The following SPOCK3 variants were observed in gnomAD, a reference collection of about 807,000 sequenced individuals.
SPOCK3 encodes SPARC (osteonectin), cwcv and kazal like domains proteoglycan 3.
SPOCK3 carries 30 observed loss-of-function variants against 56.6 expected under a neutral mutation model. The observed-to-expected ratio is 0.53, with a 90% confidence interval of 0.40 to 0.72. SPOCK3 has a LOEUF of 0.72. SPOCK3 is among the 30% of genes least tolerant of loss of function. SPOCK3 has a pLI of 0.00. For synonymous variants in SPOCK3, 196 were observed against 183.3 expected, an observed-to-expected ratio of 1.07 and a Z score of -0.56; for missense variants, 527 against 530.0, an observed-to-expected ratio of 0.99 and a Z score of 0.06.
intron 3 of SPOCK3, among the ~76,000 whole-genome samples, chr4:167,058,514 T>C (rs1214610326): frequency 6.6e-6 from 1 of 152,242 alleles, no homozygotes; most frequent in Admixed American, 6.5e-5. Context: ...TACAAACAAA[T>C]GGAAGAACAT....
At position 166,863,202 on chromosome 4, in the gene SPOCK3, A is replaced by C. The variant is rs569287640; in HGVS notation, c.589+25928T>G. ...GGAGAAATAAAATCCTTTACAGACA[A>C]GCAAATGCTGAGGGATTTTGTACCA... On this transcript the variant is annotated intron_variant, in intron 6 of 10. Transcript: ENST00000357545. 7.2e-5 allele frequency among the ~76,000 whole-genome samples: 11 copies of C among 152,224 alleles called. No individual in the cohort carries two copies. In the South Asian group the frequency reaches 2.3e-3, roughly 32 times the overall value.
At chr4:166,803,618 G>A (rs1251065903) in intron 6 of SPOCK3, among the ~76,000 whole-genome samples, 1 of 152,180 alleles carries the variant, frequency 6.6e-6, no homozygotes, top group African/African-American at 2.4e-5. Context: ...AGGATAGTGA[G>A]AGAACGAATA....
At chr4:166,968,970 C>G (rs1011465002) in intron 4 of SPOCK3, among the ~76,000 whole-genome samples, 1 of 152,116 alleles carries the variant, frequency 6.6e-6, no homozygotes, top group African/African-American at 2.4e-5. Context: ...AACCCTTGCA[C>G]CAGGTTGTGA....
intron 9 of SPOCK3, among the ~76,000 whole-genome samples, chr4:166,738,144 C>CT (rs763208374): frequency 2.0e-5 from 3 of 152,140 alleles, no homozygotes; most frequent in Non-Finnish European, 4.4e-5. Context: ...CTCTCTTCCA[C>CT]TTTAAGATTT....
At chr4:167,005,938 A>G (rs1195175748) in intron 3 of SPOCK3, among the ~76,000 whole-genome samples, 2 of 152,124 alleles carry the variant, frequency 1.3e-5, no homozygotes, top group Non-Finnish European at 2.9e-5. Flanking sequence ...TTTTTTTTAC[A>G]GGGTATACAT....
At chr4:166,926,143 T>C (rs1004463222) in intron 4 of SPOCK3, among the ~76,000 whole-genome samples, 1 of 151,460 alleles carries the variant, frequency 6.6e-6, no homozygotes, top group African/African-American at 2.4e-5. Flanking sequence ...AGTGATGACA[T>C]AATAATCCCT....
chr4:166,898,838 C>T (rs1735693495), intron 5 of SPOCK3, among the ~76,000 whole-genome samples: 1 of 152,104 alleles, frequency 6.6e-6, no homozygotes, highest in Non-Finnish European at 1.5e-5. Flanking sequence ...TAAGGGATAC[C>T]ATATAGATGG....
intron 7 of SPOCK3, among the ~76,000 whole-genome samples, chr4:166,773,009 C>G (rs1293059865): frequency 6.6e-6 from 1 of 152,096 alleles, no homozygotes; most frequent in Non-Finnish European, 1.5e-5. Context: ...CCATGCTGGT[C>G]TCGAACTACT....
chr4:167,208,554 A>G (rs1332950655), intron 2 of SPOCK3, among the ~76,000 whole-genome samples: 1 of 152,104 alleles, frequency 6.6e-6, no homozygotes, highest in Non-Finnish European at 1.5e-5. Context: ...TTGGGCAAAC[A>G]TCTTCAATTC....
chr4:166,791,439 C>T (rs548918922), intron 7 of SPOCK3, among the ~76,000 whole-genome samples: 1 of 152,170 alleles, frequency 6.6e-6, no homozygotes, highest in East Asian at 1.9e-4. Context: ...TACTCCTTCC[C>T]CTTTTCTTGT....
chr4:166,812,714 G>A (rs1394513441), intron 6 of SPOCK3, among the ~76,000 whole-genome samples: 2 of 151,772 alleles, frequency 1.3e-5, no homozygotes, highest in African/African-American at 4.8e-5. Context: ...TCTACTTTGG[G>A]ATATACTTCC....
At chr4:166,903,304 C>T (rs903596277) in intron 5 of SPOCK3, among the ~76,000 whole-genome samples, 5 of 151,734 alleles carry the variant, frequency 3.3e-5, no homozygotes, top group African/African-American at 1.2e-4. Context: ...CTTGGTGTAA[C>T]TTAATATATG....
intron 8 of SPOCK3, among the ~76,000 whole-genome samples, chr4:166,749,643 TAAAAA>T (rs900860817): frequency 2.0e-5 from 3 of 151,068 alleles, no homozygotes; most frequent in Admixed American, 6.6e-5. Flanking sequence ...TGATAAAAAA[TAAAAA>T]AAAATAAAAA....
chr4:166,889,864 A>G (rs926275551), intron 5 of SPOCK3, among the ~76,000 whole-genome samples: 4 of 152,046 alleles, frequency 2.6e-5, no homozygotes, highest in African/African-American at 4.8e-5. Flanking sequence ...ATTCATACAC[A>G]TAGAGAACAA....
At position 166,916,801 on chromosome 4, in the gene SPOCK3, G is replaced by C. The variant is rs554584413; in HGVS notation, c.351-4058C>G. On this transcript the variant is annotated intron_variant, in intron 4 of 10. Coordinates refer to ENST00000357545, the MANE Select transcript of SPOCK3 (RefSeq NM_001040159.2). The stretch of plus-strand genomic sequence containing the variant: ...CAGGTTTCATTATTATGGATCATTT[G>C]ATCTTGAGTAATCCATCAGTCTATA... Among the ~76,000 whole-genome samples, 7 of 152,260 alleles carry C rather than the reference G, an allele frequency of 4.6e-5. No individual in the cohort carries two copies. The East Asian group carries it at 1.3e-3, about 29-fold the overall frequency.
chr4:167,206,903 G>T (rs1260039178), intron 2 of SPOCK3, among the ~76,000 whole-genome samples: 2 of 151,880 alleles, frequency 1.3e-5, no homozygotes, highest in Non-Finnish European at 2.9e-5. Context: ...AGGAGAATAG[G>T]TTCTAGTGTT....
chr4:166,882,402 C>T (rs1250720936), intron 6 of SPOCK3, among the ~76,000 whole-genome samples: 1 of 152,194 alleles, frequency 6.6e-6, no homozygotes, highest in African/African-American at 2.4e-5. Flanking sequence ...TACCATGGTG[C>T]TGTCTGGGCT....
At chr4:167,209,463 G>T (rs964560189) in intron 2 of SPOCK3, among the ~76,000 whole-genome samples, 2 of 152,068 alleles carry the variant, frequency 1.3e-5, no homozygotes, top group Non-Finnish European at 2.9e-5. Flanking sequence ...TTTTCAATCT[G>T]ATATGGTATG....
chr4:166,836,385 C>T (rs1746628764), intron 6 of SPOCK3, among the ~76,000 whole-genome samples: 2 of 151,978 alleles, frequency 1.3e-5, no homozygotes, highest in Admixed American at 6.6e-5. Flanking sequence ...TTTGGTTGCC[C>T]ATTCTTTTCA....
Sources: gnomAD v4.1 joint callset for allele counts (sites outside exome capture counted in the v4.1 genomes callset) on GRCh38, gnomAD v4.1.1 for gene constraint, MANE v1.5 for transcripts, NCBI Gene and HGNC (gene_info 2026-07-23, HGNC 2026-07-21) for gene names.